GPAT4: variants seen among roughly 807,000 people sequenced by gnomAD.
The protein encoded by GPAT4 is 1-AGP acyltransferase 6.
GPAT4 carries 17 observed loss-of-function variants against 58.0 expected under a neutral mutation model. That is an observed-to-expected ratio of 0.29 (90% CI 0.20 to 0.44). GPAT4 has a LOEUF of 0.44. Among genes scored for constraint, GPAT4 ranks in the 20% least tolerant of loss-of-function variants. The pLI is 1.00. For missense variants in GPAT4, 377 were observed against 574.5 expected, an observed-to-expected ratio of 0.66 and a Z score of 3.51; for synonymous variants, 204 against 210.1, an observed-to-expected ratio of 0.97 and a Z score of 0.25.
At chr8:41,587,530 G>A (rs1202753244) in intron 1 of GPAT4, among the ~76,000 whole-genome samples, 1 of 152,152 alleles carries the variant, frequency 6.6e-6, no homozygotes, top group Admixed American at 6.5e-5. Flanking sequence ...AAAATACAGG[G>A]TTTATACACT....
chr8:41,585,763 A>T (rs1468711824), intron 1 of GPAT4, among the ~76,000 whole-genome samples: 1 of 152,224 alleles, frequency 6.6e-6, no homozygotes, highest in East Asian at 1.9e-4. Context: ...TTTGGCCATC[A>T]TGCTTTACTG....
intron 1 of GPAT4, among the ~76,000 whole-genome samples, chr8:41,596,382 A>T (rs1053810257): frequency 6.6e-6 from 1 of 152,238 alleles, no homozygotes; most frequent in Non-Finnish European, 1.5e-5. Context: ...AAACCAAAGT[A>T]TCAAGCAATC....
chr8:41,581,303 AAC>A (rs1170731713), intron 1 of GPAT4, among the ~76,000 whole-genome samples: 3 of 152,272 alleles, frequency 2.0e-5, no homozygotes, highest in Admixed American at 6.5e-5. Context: ...ATGCCACACA[AAC>A]ACAGAGTCTC....
intron 1 of GPAT4, among the ~76,000 whole-genome samples, chr8:41,578,980 G>T (rs2977847): frequency 1 from 152,298 of 152,298 alleles, 76,149 homozygotes; most frequent in Non-Finnish European, 1. Context: ...ATCTTCTCAT[G>T]GATAACCTTG....
At chr8:41,579,586 C>A (rs955206736) in intron 1 of GPAT4, among the ~76,000 whole-genome samples, 1 of 152,170 alleles carries the variant, frequency 6.6e-6, no homozygotes, top group Non-Finnish European at 1.5e-5. Context: ...GCCGGTAATC[C>A]CAGCACTTTG....
chr8:41,597,532 C>A (rs1031329050), intron 1 of GPAT4, among the ~76,000 whole-genome samples: 3 of 152,118 alleles, frequency 2.0e-5, no homozygotes, highest in Non-Finnish European at 4.4e-5. Flanking sequence ...TGTGTATTTT[C>A]TTTTCCTCTG....
rs1300663912 is a variant in GPAT4, at chr8:41,624,958, GATAA to G, written c.*3962_*3965del. 1 of 152,110 alleles carries G rather than the reference GATAA, an allele frequency of 6.6e-6. No individual in the cohort carries two copies. Among genetic ancestry groups the G allele is most frequent in the East Asian group, 1.9e-4 (1 of 5,186 alleles). The allele number at this position is 152,110 out of a possible 1,614,324, so 9.4% of individuals were successfully genotyped here. On this transcript the variant is annotated 3_prime_UTR_variant, in exon 13 of 13. Coordinates refer to ENST00000396987, the MANE Select transcript of GPAT4 (RefSeq NM_178819.4). ...CAGTACCTGCTATTAATGGTCTTTT[GATAA>G]ATAATCACTTGTAAGTCAATAAATT...
intron 6 of GPAT4, 61 bp from the exon 7 acceptor site, chr8:41,612,119 G>C (rs145419463): frequency 6.2e-5 from 98 of 1,588,138 alleles, no homozygotes; most frequent in Middle Eastern, 3.3e-4. Context: ...TGAGGTGAGA[G>C]GTGTGTTACA....
chr8:41,605,071 T>A (rs1803221806), intron 2 of GPAT4, among the ~76,000 whole-genome samples: 1 of 152,182 alleles, frequency 6.6e-6, no homozygotes, highest in African/African-American at 2.4e-5. Flanking sequence ...CCAGGTTTTG[T>A]CATTTTGGCT....
rs367697789 is a variant in GPAT4, at chr8:41,612,032, G to C, written c.701+40G>C. On this transcript the variant is annotated intron_variant, in intron 6 of 12. Coordinates refer to ENST00000396987, the MANE Select transcript of GPAT4 (RefSeq NM_178819.4). ...TATTGATAGGAAGGGAGATGGCGCTGCAGGAAACACCACCCACCTATACTT... is the reference window on the plus strand; with the variant it reads ...TATTGATAGGAAGGGAGATGGCGCTCCAGGAAACACCACCCACCTATACTT... The C allele has an allele frequency of 1.2e-5, 19 of 1,607,862 alleles. No homozygotes were observed. The African/African-American group carries it at 2.5e-4, about 21-fold the overall frequency.
chr8:41,617,955 C>CG (rs1180532436), intron 10 of GPAT4, among the ~76,000 whole-genome samples: 3 of 152,224 alleles, frequency 2.0e-5, no homozygotes, highest in Admixed American at 2.0e-4. Flanking sequence ...CCTGCCCCTC[C>CG]AGCTACTTGT....
intron 1 of GPAT4, among the ~76,000 whole-genome samples, chr8:41,587,871 T>G (rs577091025): frequency 1.3e-5 from 2 of 152,302 alleles, no homozygotes; most frequent in Admixed American, 6.5e-5. Context: ...TGAACCCTTT[T>G]TACACTCCAA....
At chr8:41,589,105 T>G (rs185212091) in intron 1 of GPAT4, among the ~76,000 whole-genome samples, 1 of 152,356 alleles carries the variant, frequency 6.6e-6, no homozygotes, top group African/African-American at 2.4e-5. Context: ...AGTTCTGATG[T>G]GAACAGTTTT....
chr8:41,596,657 T>C (rs1481419609), intron 1 of GPAT4, among the ~76,000 whole-genome samples: 3 of 152,230 alleles, frequency 2.0e-5, no homozygotes, highest in Non-Finnish European at 4.4e-5. Flanking sequence ...TTGCTCAGGC[T>C]GGTCTGAGTC....
At chr8:41,581,042 T>C (rs1802496406) in intron 1 of GPAT4, among the ~76,000 whole-genome samples, 1 of 152,266 alleles carries the variant, frequency 6.6e-6, no homozygotes, top group Non-Finnish European at 1.5e-5. Flanking sequence ...CAGAATTGTT[T>C]GTTTGGGTAA....
chr8:41,596,549 C>T (rs1585657706), intron 1 of GPAT4, among the ~76,000 whole-genome samples: 2 of 152,252 alleles, frequency 1.3e-5, no homozygotes, highest in African/African-American at 4.8e-5. Flanking sequence ...TCCCGGTGTT[C>T]AGCCACTGCG....
intron 1 of GPAT4, among the ~76,000 whole-genome samples, chr8:41,589,938 C>T (rs530660661): frequency 6.6e-5 from 10 of 152,258 alleles, no homozygotes; most frequent in Non-Finnish European, 1.2e-4. Context: ...CTGAGAACTT[C>T]GGTAACTCAG....
At position 41,618,975 on chromosome 8, in the gene GPAT4, G is replaced by A. The variant is rs1487661774; in HGVS notation, c.1260G>A (p.Leu420=). The change falls in exon 12 of 13, where the codon CTG becomes CTA. Residue 420 remains leucine, a splice_region_variant and synonymous_variant. Transcript: ENST00000396987. ...GGCAGGGAGGACTTGTGGACCTGCT[G>A]TGGTAAGTTTAGAGCCAGGCCTTTT... The part of the protein sequence containing the change: ...IARQGGLVDL[L]WDGGLKREKV... The A allele has an allele frequency of 1.2e-6, 2 of 1,614,246 alleles. No individual in the cohort carries two copies. Among genetic ancestry groups the A allele is most frequent in the East Asian group, 2.2e-5 (1 of 44,888 alleles).
At position 41,599,271 on chromosome 8, in the gene GPAT4, A is replaced by T; in HGVS notation, c.132A>T (p.Lys44Asn). 6.2e-7 allele frequency: 1 copy of T among 1,613,746 alleles called. No homozygotes were observed. ...TTGGAGTCTCCTTTGGTATCCGCAAACTCTACATGAAAAGTCTGTTAAAAA... is the reference window on the plus strand; with the variant it reads ...TTGGAGTCTCCTTTGGTATCCGCAATCTCTACATGAAAAGTCTGTTAAAAA... ...AIFGVSFGIR[K>N]LYMKSLLKIF... Residue 44 changes from lysine to asparagine, a missense_variant, in exon 2 of 13, where the codon AAA becomes AAT. Lys to Asn is a moderately conservative substitution (Grantham distance 94). Transcript: ENST00000396987.
Sources: allele counts gnomAD v4.1 joint callset (sites outside exome capture counted in the v4.1 genomes callset), GRCh38; gene constraint gnomAD v4.1.1; transcripts MANE v1.5; gene names NCBI Gene and HGNC (gene_info 2026-07-23, HGNC 2026-07-21).